The following COMMD1 variants were observed in gnomAD, a reference collection of about 807,000 sequenced individuals.
COMMD1 encodes the protein COMM domain-containing protein 1.
In COMMD1, 10 loss-of-function variants were observed where a neutral mutation model predicts 17.2. The ratio of observed to expected loss-of-function variants is 0.58; its 90% confidence interval spans 0.36 to 0.99. The LOEUF (loss-of-function observed/expected upper bound fraction) is 0.99. COMMD1 is among the 50% of genes least tolerant of loss of function. The pLI is 0.01. For synonymous variants in COMMD1, 97 were observed against 91.6 expected, an observed-to-expected ratio of 1.06 and a Z score of -0.34; for missense variants, 270 against 231.8, an observed-to-expected ratio of 1.17 and a Z score of -1.07.
chr2:62,079,231 A>G (rs1348214290), intron 2 of COMMD1, among the ~76,000 whole-genome samples: 2 of 152,156 alleles, frequency 1.3e-5, no homozygotes, highest in African/African-American at 2.4e-5. Context: ...AAGTACAGCT[A>G]CTCCATAGAC....
intron 1 of COMMD1, among the ~76,000 whole-genome samples, chr2:61,946,771 C>A (rs940743870): frequency 7.9e-5 from 12 of 152,006 alleles, no homozygotes; most frequent in African/African-American, 2.9e-4. Flanking sequence ...TTGTTTTTTT[C>A]TTCCACATTT....
intron 1 of COMMD1, among the ~76,000 whole-genome samples, chr2:61,957,087 CGTGT>C (rs10679710): frequency 0.044 from 6,445 of 146,862 alleles, 447 homozygotes; most frequent in African/African-American, 0.15. Flanking sequence ...AAGATGGATG[CGTGT>C]GTGTGTGTGT....
chr2:62,104,720 G>A (rs886323704), intron 2 of COMMD1, among the ~76,000 whole-genome samples: 4 of 151,160 alleles, frequency 2.6e-5, no homozygotes, highest in Non-Finnish European at 5.9e-5. Context: ...CAGCCAGTAA[G>A]TCATCATTTA....
chr2:62,009,602 A>G (rs1254907717), intron 2 of COMMD1, among the ~76,000 whole-genome samples: 1 of 124,636 alleles, frequency 8.0e-6, no homozygotes, highest in Non-Finnish European at 1.7e-5. Context: ...AGACTGTCTC[A>G]AAAAAAAAAA....
chr2:62,066,568 A>T lies in COMMD1; in HGVS notation c.462+65586A>T, dbSNP rs1395512219. On this transcript the variant is annotated intron_variant, in intron 2 of 2. Coordinates refer to ENST00000311832, the MANE Select transcript of COMMD1 (RefSeq NM_152516.4). ...AGGTGGCTGCCACCATGCCTGGCTA[A>T]TTTTTTGTATTTTTAGTAGAGACAG... is the stretch of plus-strand genomic sequence containing the variant. 2.0e-5 allele frequency among the ~76,000 whole-genome samples: 3 copies of T among 148,568 alleles called. No homozygotes were observed. In the East Asian group the frequency reaches 6.0e-4, roughly 30 times the overall value.
intron 2 of COMMD1, among the ~76,000 whole-genome samples, chr2:62,009,146 G>A (rs1281966164): frequency 1.3e-5 from 2 of 152,036 alleles, no homozygotes; most frequent in African/African-American, 4.8e-5. Flanking sequence ...ATCAGATTTA[G>A]AACATGGAAT....
At chr2:62,101,916 G>A (rs1407545344) in intron 2 of COMMD1, among the ~76,000 whole-genome samples, 1 of 152,030 alleles carries the variant, frequency 6.6e-6, no homozygotes, top group East Asian at 1.9e-4. Context: ...TTGGCCATTG[G>A]TGATTAACTT....
At chr2:61,990,323 T>C (rs983660477) in intron 1 of COMMD1, among the ~76,000 whole-genome samples, 16 of 152,356 alleles carry the variant, frequency 1.1e-4, no homozygotes, top group Non-Finnish European at 2.1e-4. Context: ...AGAGAAGTTC[T>C]TATAGATTTT....
At chr2:61,912,156 G>A (rs143773464) in intron 1 of COMMD1, among the ~76,000 whole-genome samples, 266 of 152,280 alleles carry the variant, frequency 1.7e-3, no homozygotes, top group African/African-American at 5.9e-3. Flanking sequence ...CTACTAGAAT[G>A]TAAGCATTAG....
Position 61,963,623 on chromosome 2 carries a change from C to T in COMMD1, c.181-37078C>T, listed in dbSNP as rs375239371. 4.3e-4 allele frequency among the ~76,000 whole-genome samples: 65 copies of T among 152,250 alleles called. 1 individual carries two copies. In the South Asian group the frequency reaches 0.013, roughly 30 times the overall value. ...CCTCCCAAAGTGCTAGGATTACAGGCGTGAGCCACCATGCCCAGCCTGGCC... is the reference window on the plus strand; with the variant it reads ...CCTCCCAAAGTGCTAGGATTACAGGTGTGAGCCACCATGCCCAGCCTGGCC... On this transcript the variant is annotated intron_variant, in intron 1 of 2. Coordinates refer to ENST00000311832, the MANE Select transcript of COMMD1 (RefSeq NM_152516.4).
chr2:61,988,665 C>A (rs903013256), intron 1 of COMMD1, among the ~76,000 whole-genome samples: 21 of 152,344 alleles, frequency 1.4e-4, no homozygotes, highest in African/African-American at 5.1e-4. Flanking sequence ...GCTACCCCAG[C>A]TGGTGACTCA....
At chr2:62,080,271 A>AG (rs757253905) in intron 2 of COMMD1, among the ~76,000 whole-genome samples, 6 of 152,222 alleles carry the variant, frequency 3.9e-5, no homozygotes, top group Admixed American at 2.0e-4. Context: ...TGGACAACAT[A>AG]GGGAGACCCT....
At chr2:62,105,765 T>C (rs13029095) in intron 2 of COMMD1, among the ~76,000 whole-genome samples, 28,380 of 152,148 alleles carry the variant, frequency 0.19, 2,876 homozygotes, top group Admixed American at 0.25. Flanking sequence ...AGAGGTTGCA[T>C]TGAGTCAAGA....
chr2:61,971,551 GT>G (rs1431303809), intron 1 of COMMD1, among the ~76,000 whole-genome samples: 1 of 152,122 alleles, frequency 6.6e-6, no homozygotes, highest in Non-Finnish European at 1.5e-5. Flanking sequence ...AAAAAGGTGT[GT>G]GTGTGGGGTA....
chr2:62,084,579 G>A (rs539599713), intron 2 of COMMD1, among the ~76,000 whole-genome samples: 1 of 152,144 alleles, frequency 6.6e-6, no homozygotes, highest in Non-Finnish European at 1.5e-5. Flanking sequence ...CACTCATATT[G>A]TTCAAGGGTC....
intron 1 of COMMD1, among the ~76,000 whole-genome samples, chr2:61,965,893 T>G (rs969564456): frequency 1.3e-5 from 2 of 152,214 alleles, no homozygotes; most frequent in Admixed American, 1.3e-4. Flanking sequence ...TATTGAAGTA[T>G]CAAGGCTTGG....
intron 2 of COMMD1, among the ~76,000 whole-genome samples, chr2:62,003,153 A>G (rs1192035374): frequency 1.3e-5 from 2 of 152,054 alleles, no homozygotes; most frequent in African/African-American, 2.4e-5. Context: ...GAATCACTTG[A>G]ACCTGGGAGG....
At chr2:61,950,475 CT>C (rs905112951) in intron 1 of COMMD1, among the ~76,000 whole-genome samples, 5 of 152,214 alleles carry the variant, frequency 3.3e-5, no homozygotes, top group Admixed American at 6.5e-5. Flanking sequence ...GTAGTTCCCC[CT>C]AATCCCCTAT....
At chr2:62,041,698 C>G (rs966608618) in intron 2 of COMMD1, among the ~76,000 whole-genome samples, 1 of 152,196 alleles carries the variant, frequency 6.6e-6, no homozygotes, top group African/African-American at 2.4e-5. Context: ...TCGCTGACTT[C>G]AAGAATGAAG....
Sources: gnomAD v4.1 joint callset for allele counts (sites outside exome capture counted in the v4.1 genomes callset) on GRCh38, gnomAD v4.1.1 for gene constraint, MANE v1.5 for transcripts, NCBI Gene and HGNC (gene_info 2026-07-23, HGNC 2026-07-21) for gene names.